Variants in SYDE2 observed in about 807,000 individuals in gnomAD.
The protein encoded by SYDE2 is synapse defective Rho GTPase homolog 2.
SYDE2 carries 76 observed loss-of-function variants against 91.5 expected under a neutral mutation model. The ratio of observed to expected loss-of-function variants is 0.83; its 90% CI spans 0.69 to 1.01. The LOEUF (loss-of-function observed/expected upper bound fraction) is 1.01. SYDE2 is among the 50% of genes least tolerant of loss of function. The pLI is 0.00. For synonymous variants in SYDE2, 513 were observed against 506.4 expected (o/e 1.01, Z -0.18); for missense variants, 1,364 against 1,367.7 (o/e 1.00, Z 0.04).
At chr1:85,190,997 C>G (rs817452) in intron 1 of SYDE2, among the ~76,000 whole-genome samples, 1 of 151,772 alleles carries the variant, frequency 6.6e-6, no homozygotes, top group Non-Finnish European at 1.5e-5. Flanking sequence ...AAACTCTGAG[C>G]CTGCCTTTAT....
chr1:85,187,006 T>C (rs1557754625), intron 2 of SYDE2, among the ~76,000 whole-genome samples: 1 of 151,814 alleles, frequency 6.6e-6, no homozygotes, highest in African/African-American at 2.4e-5. Context: ...AAAGCCAAAA[T>C]TGACAAATGG....
chr1:85,170,111 T>A (rs903610464), intron 4 of SYDE2, among the ~76,000 whole-genome samples: 5 of 79,174 alleles, frequency 6.3e-5, no homozygotes, highest in African/African-American at 2.7e-4. Flanking sequence ...AAGCTTCCCA[T>A]CTCTTTTTTT....
chr1:85,182,482 T>A lies in SYDE2; in HGVS notation c.2160A>T (p.Thr720=), dbSNP rs754559136. 8 of 1,613,852 alleles carry A rather than the reference T, an allele frequency of 5.0e-6. No individual in the cohort carries two copies. Among genetic ancestry groups the A allele is most frequent in the Non-Finnish European group, 6.8e-6 (8 of 1,179,816 alleles). ...CCATGTCTAAAAATGTTGTTCGGCATGTGAGCAAAGCTGTTCTTGCTTTGT... is the reference window on the plus strand; with the variant it reads ...CCATGTCTAAAAATGTTGTTCGGCAAGTGAGCAAAGCTGTTCTTGCTTTGT... ...SVNKARTALL[T]CRTTFLDMDH... is the part of the protein sequence containing the mutation. The change falls in exon 3 of 7, where the codon ACA becomes ACT. Residue 720 remains threonine (T), a synonymous_variant. Transcript: ENST00000341460.
In SYDE2 at chr1:85,200,533, C is replaced by G; in HGVS notation, c.464G>C (p.Gly155Ala). The G allele has an allele frequency of 6.2e-7, 1 of 1,612,654 alleles. No individual in the cohort carries two copies. Among genetic ancestry groups the G allele is most frequent in the Non-Finnish European group, 8.5e-7 (1 of 1,179,788 alleles). Residue 155 changes from glycine to alanine, a missense_variant, in exon 1 of 7, where the codon GGA (glycine) becomes GCA (alanine). Coordinates refer to ENST00000341460, the MANE Select transcript of SYDE2 (RefSeq NM_032184.2). The part of the protein sequence containing the change: ...PGCKDHGCSS[G>A]SPFRDPAGSS... ...CCCCGCTGGATCCCTGAAAGGGCTT[C>G]CCGAGGAGCAGCCGTGGTCCTTGCA... is the stretch of plus-strand genomic sequence containing the variant.
Position 85,182,601 on chromosome 1 carries a change from G to A in SYDE2, c.2041C>T (p.Leu681Phe). ...GCACCATAGAAATGTACACTCATGA[G>A]CCCAGATATGTACTGTGAACACTTA... ...QPKCSQYISG[L>F]MSVHFYGAED... The change falls in exon 3 of 7, where the codon CTC becomes TTC. Residue 681 changes from leucine to phenylalanine, a missense_variant. Coordinates refer to ENST00000341460, the MANE Select transcript of SYDE2 (RefSeq NM_032184.2). 6.2e-7 allele frequency: 1 copy of A among 1,613,886 alleles called. No homozygotes were observed. Among genetic ancestry groups the A allele is most frequent in the Non-Finnish European group, 8.5e-7 (1 of 1,179,854 alleles).
Position 85,182,571 on chromosome 1 carries a change from C to A in SYDE2, c.2071G>T (p.Asp691Tyr), listed in dbSNP as rs1206124538. ...LMSVHFYGAEDLKPPRIDSKD... is the reference protein window; with the variant it reads ...LMSVHFYGAEYLKPPRIDSKD... ...GAATCTATCCGAGGTGGTTTTAAAT[C>A]CTCAGCACCATAGAAATGTACACTC... The change falls in exon 3 of 7, where the codon GAT (aspartate) becomes TAT (tyrosine). Residue 691 changes from aspartate to tyrosine, a missense_variant. Physicochemically the swap from Asp to Tyr is radical, Grantham distance 160. Transcript: ENST00000341460. The A allele has an allele frequency of 1.2e-6, 2 of 1,613,874 alleles. No homozygotes were observed. The highest frequency in any genetic ancestry group is 1.7e-6 in the Non-Finnish European group (2 of 1,179,858).
chr1:85,160,040 T>C, intron 6 of SYDE2: 1 of 984,656 alleles, frequency 1.0e-6, no homozygotes, highest in Non-Finnish European at 1.2e-6. Context: ...TTTACTCTTG[T>C]GTGTTGAACA....
At chr1:85,164,851 T>G in intron 5 of SYDE2, 94 bp from the exon 6 acceptor site, 1 of 720,072 alleles carries the variant, frequency 1.4e-6, no homozygotes, top group South Asian at 4.9e-5. Flanking sequence ...ATCTTGTCAC[T>G]TTTAAAAGGA....
intron 4 of SYDE2, among the ~76,000 whole-genome samples, chr1:85,176,528 T>C (rs1273903497): frequency 6.6e-6 from 1 of 152,164 alleles, no homozygotes; most frequent in Non-Finnish European, 1.5e-5. Context: ...ACCAACAAAA[T>C]TCTCTTAAAT....
At chr1:85,159,329 T>C (rs1656980103) in intron 6 of SYDE2, 80 bp from the exon 7 acceptor site, 1 of 709,352 alleles carries the variant, frequency 1.4e-6, no homozygotes, top group Non-Finnish European at 2.5e-6. Flanking sequence ...AGATAAGCCA[T>C]TTAATCATCA....
intron 4 of SYDE2, among the ~76,000 whole-genome samples, chr1:85,174,350 C>G (rs1294413071): frequency 5.3e-5 from 8 of 152,148 alleles, no homozygotes; most frequent in Non-Finnish European, 1.0e-4. Context: ...ACAGCACAAT[C>G]TGTCCAAAAC....
rs1409155552 is a variant in SYDE2, at chr1:85,185,239, TA to T, written c.1442-2040del. ...TAATATTTATAATATATATTTATATTATTTTATAATTATAAATATATTTTAA... is the reference window on the plus strand; with the variant it reads ...TAATATTTATAATATATATTTATATTTTTTATAATTATAAATATATTTTAA... On this transcript the variant is annotated intron_variant, in intron 2 of 6. Coordinates refer to ENST00000341460, the MANE Select transcript of SYDE2 (RefSeq NM_032184.2). Among the ~76,000 whole-genome samples the T allele has an allele frequency of 2.0e-5, 3 of 147,562 alleles. No individual in the cohort carries two copies. The East Asian group carries it at 5.8e-4, about 29-fold the overall frequency.
chr1:85,195,288 CTG>C (rs1658542979), intron 1 of SYDE2, among the ~76,000 whole-genome samples: 1 of 152,050 alleles, frequency 6.6e-6, no homozygotes, highest in African/African-American at 2.4e-5. Flanking sequence ...CTTATGAACA[CTG>C]TATTAGATGT....
intron 1 of SYDE2, among the ~76,000 whole-genome samples, chr1:85,191,368 T>C (rs187173018): frequency 8.7e-4 from 133 of 152,296 alleles, no homozygotes; most frequent in African/African-American, 3.1e-3. Flanking sequence ...GTATGCTGTC[T>C]CACAGTATGC....
chr1:85,182,184 TTTGA>T lies in SYDE2; in HGVS notation c.2454_2457del (p.Gln819LysfsTer3). On this transcript the variant is annotated frameshift_variant, in exon 3 of 7. Coordinates refer to ENST00000341460, the MANE Select transcript of SYDE2 (RefSeq NM_032184.2). LOFTEE classifies it high-confidence loss of function. ...CCTATATTTTCTTTCTCTACAACTTTTTGAATATCAACTCCAAATATTATTGGTT... is the reference window on the plus strand; with the variant it reads ...CCTATATTTTCTTTCTCTACAACTTTATATCAACTCCAAATATTATTGGTT... 6.2e-7 allele frequency: 1 copy of T among 1,607,022 alleles called. No individual in the cohort carries two copies. Among genetic ancestry groups the T allele is most frequent in the Admixed American group, 1.7e-5 (1 of 58,858 alleles).
At chr1:85,167,882 G>A (rs1056327946) in intron 5 of SYDE2, among the ~76,000 whole-genome samples, 14 of 152,092 alleles carry the variant, frequency 9.2e-5, no homozygotes, top group Non-Finnish European at 1.3e-4. Flanking sequence ...GAGAGGCCAA[G>A]GTGGGCAGAT....
Position 85,157,609 on chromosome 1 carries a change from T to A in SYDE2, c.*1141A>T, listed in dbSNP as rs769093180. 2 of 152,160 alleles carry A rather than the reference T, an allele frequency of 1.3e-5. No individual in the cohort carries two copies. Among genetic ancestry groups the A allele is most frequent in the African/African-American group, 4.8e-5 (2 of 41,456 alleles). 9.4% of individuals were successfully genotyped at this position (152,160 alleles called of 1,614,324 possible). On this transcript the variant is annotated 3_prime_UTR_variant, in exon 7 of 7. Transcript: ENST00000341460. Reference sequence around the variant, plus strand: ...GTTAGAGGATTTCAAATTTAAAAGATGACTTTTCCCAGGGGACATTGTGAC... The same window carrying A: ...GTTAGAGGATTTCAAATTTAAAAGAAGACTTTTCCCAGGGGACATTGTGAC...
intron 2 of SYDE2, 81 bp from the exon 3 acceptor site, chr1:85,183,281 A>C: frequency 7.6e-7 from 1 of 1,310,616 alleles, no homozygotes; most frequent in Non-Finnish European, 1.0e-6. Context: ...CCATCAACTA[A>C]ACAGGCTTTC....
At chr1:85,168,893 C>T in intron 5 of SYDE2, 151 bp downstream of exon 5, 2 of 651,754 alleles carry the variant, frequency 3.1e-6, no homozygotes, top group Middle Eastern at 3.2e-4. Context: ...GAAGCTTTTA[C>T]AGACTTAGGC....
Sources: gnomAD v4.1 joint callset for allele counts (sites outside exome capture counted in the v4.1 genomes callset) on GRCh38, gnomAD v4.1.1 for gene constraint, MANE v1.5 for transcripts, NCBI Gene and HGNC (gene_info 2026-07-23, HGNC 2026-07-21) for gene names.